The following CCDC88C variants were observed in gnomAD, a reference collection of about 807,000 sequenced individuals.
CCDC88C encodes the protein protein Daple.
CCDC88C carries 131 observed loss-of-function variants against 198.8 expected under a neutral mutation model. The observed-to-expected ratio is 0.66, with a 90% confidence interval of 0.57 to 0.76. The LOEUF (loss-of-function observed/expected upper bound fraction) is 0.76, where lower values mean the gene tolerates loss of function less well. Among genes scored for constraint, CCDC88C ranks in the 30% least tolerant of loss-of-function variants. The probability of loss-of-function intolerance (pLI) is 0.00; values close to 1 mark genes in which losing one functional copy is unlikely to be tolerated. For missense variants in CCDC88C, 2,553 were observed against 2,631.6 expected (o/e 0.97, Z 0.65); for synonymous variants, 1,166 against 1,114.7 (o/e 1.05, Z -0.92).
Position 91,384,553 on chromosome 14 carries a change from TTAAAAA to T in CCDC88C, c.270+24100_270+24105del, listed in dbSNP as rs1367934204. ...TTCATCATAATCATCACCCCATCTC[TTAAAAA>T]TAATAAACCAAAAATTCTCAGGTGG... On this transcript the variant is annotated intron_variant, in intron 3 of 29. Coordinates refer to ENST00000389857, the MANE Select transcript of CCDC88C (RefSeq NM_001080414.4). 3.1e-5 allele frequency: 15 copies of T among 486,708 alleles called. No individual in the cohort carries two copies. In the Admixed American group the frequency reaches 3.2e-4, roughly 10 times the overall value. The allele number at this position is 486,708 out of a possible 1,614,324, so 30.1% of individuals were successfully genotyped here.
intron 3 of CCDC88C, among the ~76,000 whole-genome samples, chr14:91,374,584 T>A (rs1894989479): frequency 6.6e-6 from 1 of 151,574 alleles, no homozygotes; most frequent in South Asian, 2.1e-4. Context: ...AACTGGAGAA[T>A]CCCAGGCAGA....
chr14:91,355,072 C>G (rs893633127), intron 4 of CCDC88C, among the ~76,000 whole-genome samples: 1 of 152,126 alleles, frequency 6.6e-6, no homozygotes, highest in East Asian at 1.9e-4. Context: ...AAATGACAGT[C>G]GGCTGACCTG....
chr14:91,279,232 A>ACTTAC lies in CCDC88C; in HGVS notation c.4768+1_4768+5dup. 3.2e-6 allele frequency: 5 copies of ACTTAC among 1,586,286 alleles called. No homozygotes were observed. Among genetic ancestry groups the ACTTAC allele is most frequent in the Non-Finnish European group, 4.3e-6 (5 of 1,164,126 alleles). Reference sequence around the variant, plus strand: ...TTTTAAAAGTACACAGAAGCACAAGACTTACCTTTTAGGTTAAGAGGTGAG... The same window carrying ACTTAC: ...TTTTAAAAGTACACAGAAGCACAAGACTTACCTTACCTTTTAGGTTAAGAGGTGAG... On this transcript the variant is annotated splice_donor_region_variant and intron_variant, in intron 28 of 29. Transcript: ENST00000389857.
intron 13 of CCDC88C, among the ~76,000 whole-genome samples, chr14:91,320,531 C>T (rs1275797443): frequency 2.0e-5 from 3 of 152,292 alleles, no homozygotes; most frequent in East Asian, 1.9e-4. Context: ...GCGGAGCCCA[C>T]GAAGGGGGTG....
chr14:91,354,417 C>T (rs1346691483), intron 4 of CCDC88C, among the ~76,000 whole-genome samples: 3 of 152,212 alleles, frequency 2.0e-5, no homozygotes, highest in East Asian at 1.9e-4. Context: ...ACAGCACAGA[C>T]GTGAGCTCTT....
At chr14:91,393,487 C>G (rs1385302837) in intron 3 of CCDC88C, among the ~76,000 whole-genome samples, 1 of 152,218 alleles carries the variant, frequency 6.6e-6, no homozygotes, top group East Asian at 1.9e-4. Context: ...CAGCCCCGAT[C>G]TGGCTTCCTC....
intron 3 of CCDC88C, among the ~76,000 whole-genome samples, chr14:91,386,959 T>G (rs1885186852): frequency 6.6e-6 from 1 of 152,248 alleles, no homozygotes. Context: ...TTAATATTTG[T>G]GTACTAAGCG....
intron 3 of CCDC88C, among the ~76,000 whole-genome samples, chr14:91,370,941 T>G (rs1451985066): frequency 6.6e-6 from 1 of 152,212 alleles, no homozygotes; most frequent in Admixed American, 6.5e-5. Flanking sequence ...GGGCTCCTTA[T>G]GCCATACCAA....
At chr14:91,367,444 A>T (rs920131884) in intron 3 of CCDC88C, among the ~76,000 whole-genome samples, 1 of 152,206 alleles carries the variant, frequency 6.6e-6, no homozygotes, top group East Asian at 1.9e-4. Flanking sequence ...TCGGCTTCGC[A>T]GGTGCACCCA....
At chr14:91,403,879 C>A (rs1886344230) in intron 3 of CCDC88C, among the ~76,000 whole-genome samples, 1 of 152,210 alleles carries the variant, frequency 6.6e-6, no homozygotes, top group African/African-American at 2.4e-5. Context: ...TTGCAGTGAG[C>A]TAAGACTATA....
intron 3 of CCDC88C, among the ~76,000 whole-genome samples, chr14:91,372,032 A>C (rs1022002285): frequency 6.6e-6 from 1 of 152,082 alleles, no homozygotes; most frequent in Non-Finnish European, 1.5e-5. Flanking sequence ...CGAGCACCAC[A>C]GCACAAGGGG....
rs71415441 is a variant in CCDC88C, at chr14:91,293,472, C to G, written c.4112+701G>C. Among the ~76,000 whole-genome samples, 186 of 61,210 alleles carry G rather than the reference C, an allele frequency of 3.0e-3. 1 individual carries two copies. Among genetic ancestry groups the G allele is most frequent in the African/African-American group, 8.0e-3 (93 of 11,646 alleles). The allele number at this position is 61,210 out of a possible 152,430, so 40.2% of individuals were successfully genotyped here. ...CCACGGTCCACCTTCCCATCCTCAC[C>G]TGCCACAGCTCACCTTCCCATCCTC... On this transcript the variant is annotated intron_variant, in intron 23 of 29. Coordinates refer to ENST00000389857, the MANE Select transcript of CCDC88C (RefSeq NM_001080414.4).
chr14:91,290,740 T>C (rs1055018720), intron 24 of CCDC88C, among the ~76,000 whole-genome samples: 1 of 152,152 alleles, frequency 6.6e-6, no homozygotes, highest in Non-Finnish European at 1.5e-5. Flanking sequence ...CCACGGATGC[T>C]CTGCCCCCTT....
intron 26 of CCDC88C, 106 bp downstream of exon 26, chr14:91,283,223 T>G: frequency 2.6e-6 from 3 of 1,170,946 alleles, no homozygotes; most frequent in Non-Finnish European, 3.6e-6. Context: ...ACTCACCACC[T>G]CTCAGACTGA....
chr14:91,281,375 G>C (rs1890190487), intron 27 of CCDC88C, 82 bp downstream of exon 27: 14 of 1,605,532 alleles, frequency 8.7e-6, no homozygotes, highest in Non-Finnish European at 1.0e-5. Context: ...TCCCGTACAG[G>C]ACTCAGCTTA....
At chr14:91,320,738 A>C (rs1892319761) in intron 13 of CCDC88C, among the ~76,000 whole-genome samples, 1 of 152,122 alleles carries the variant, frequency 6.6e-6, no homozygotes, top group African/African-American at 2.4e-5. Context: ...ATATGGGGAA[A>C]ACCCCACACC....
In CCDC88C at chr14:91,339,467, AG is replaced by A. The variant is rs762502152; in HGVS notation, c.625-6del. On this transcript the variant is annotated splice_polypyrimidine_tract_variant and splice_region_variant and intron_variant, in intron 7 of 29. Transcript: ENST00000389857. The surrounding 1 kb of genome is among the most constrained non-coding windows in gnomAD (Gnocchi z 5.8). ...CTGAGTGAGGTCCACGATCAGCTGC[AG>A]CCGGGCAGAGAGGGGGATGGAGGAG... The A allele has an allele frequency of 6.2e-7, 1 of 1,600,746 alleles. No homozygotes were observed. The highest frequency in any genetic ancestry group is 8.5e-7 in the Non-Finnish European group (1 of 1,169,930).
rs1374468727 is a variant in CCDC88C, at chr14:91,338,089, C to T, written c.966G>A (p.Ala322=). The T allele has an allele frequency of 1.4e-5, 23 of 1,613,812 alleles. No individual in the cohort carries two copies. The highest frequency in any genetic ancestry group is 4.5e-5 in the East Asian group (2 of 44,900). The part of the protein sequence containing the change: ...RDELDSLREK[A]NRVERLELEL... The stretch of plus-strand genomic sequence containing the variant: ...CCAGCTCCAGCCTCTCCACGCGGTT[C>T]GCCTTCTCCCGCAGGGAATCCAGCT... Residue 322 remains alanine, a synonymous_variant, in exon 10 of 30, where the codon GCG becomes GCA. Coordinates refer to ENST00000389857, the MANE Select transcript of CCDC88C (RefSeq NM_001080414.4). The surrounding 1 kb of genome is among the most constrained non-coding windows in gnomAD (Gnocchi z 4.8).
chr14:91,411,625 T>C (rs1770048475), intron 2 of CCDC88C, among the ~76,000 whole-genome samples: 1 of 151,962 alleles, frequency 6.6e-6, no homozygotes, highest in South Asian at 2.1e-4. Context: ...AAGTCTAAAG[T>C]GTGGGCCCCC....
Sources: gnomAD v4.1 joint callset for allele counts (sites outside exome capture counted in the v4.1 genomes callset) on GRCh38, gnomAD v4.1.1 for gene constraint, Gnocchi (gnomAD v3.1) non-coding constraint, MANE v1.5 for transcripts, NCBI Gene and HGNC (gene_info 2026-07-23, HGNC 2026-07-21) for gene names.